Variants in SYBU observed in about 807,000 individuals in gnomAD.
SYBU encodes GOLSYN A protein.
A neutral mutation model predicts 35.9 loss-of-function variants in SYBU; 21 were observed. The observed-to-expected ratio is 0.58, with a 90% CI of 0.41 to 0.84. The LOEUF (loss-of-function observed/expected upper bound fraction) is 0.84, where lower values mean the gene tolerates loss of function less well. Among genes scored for constraint, SYBU ranks in the 40% least tolerant of loss-of-function variants. The pLI, the probability that SYBU is intolerant of heterozygous loss-of-function variation, is 0.00. For synonymous variants in SYBU, 319 were observed against 324.3 expected (o/e 0.98, Z 0.18); for missense variants, 768 against 848.2 (o/e 0.91, Z 1.17).
chr8:109,628,783 C>G (rs536509627), intron 2 of SYBU, among the ~76,000 whole-genome samples: 1 of 151,992 alleles, frequency 6.6e-6, no homozygotes, highest in South Asian at 2.1e-4. Flanking sequence ...GGTCGTGCCA[C>G]TGCACTCCAG....
intron 3 of SYBU, among the ~76,000 whole-genome samples, chr8:109,614,897 C>T (rs1586834549): frequency 6.6e-6 from 1 of 152,250 alleles, no homozygotes; most frequent in South Asian, 2.1e-4. Flanking sequence ...CAGTTCCTGC[C>T]TGGAAACAGG....
chr8:109,594,915 T>C (rs1239513070), intron 3 of SYBU, among the ~76,000 whole-genome samples: 1 of 152,214 alleles, frequency 6.6e-6, no homozygotes, highest in Non-Finnish European at 1.5e-5. Context: ...GTAGTTTCAG[T>C]TGCTAGCTGT....
intron 1 of SYBU, among the ~76,000 whole-genome samples, chr8:109,674,892 A>G (rs1258027263): frequency 6.6e-6 from 1 of 152,212 alleles, no homozygotes; most frequent in Non-Finnish European, 1.5e-5. Flanking sequence ...TGTAATTGGA[A>G]GTAAAACACT....
intron 3 of SYBU, among the ~76,000 whole-genome samples, chr8:109,599,772 C>T (rs956856013): frequency 6.6e-6 from 1 of 152,184 alleles, no homozygotes; most frequent in African/African-American, 2.4e-5. Context: ...CTCAATGGCA[C>T]CCTGTGTCCA....
chr8:109,634,695 T>C (rs192065629), intron 2 of SYBU, among the ~76,000 whole-genome samples: 234 of 152,292 alleles, frequency 1.5e-3, no homozygotes, highest in African/African-American at 5.3e-3. Context: ...CCCAGCACTT[T>C]GGGAGGCCAA....
chr8:109,659,511 T>G (rs1404310640), intron 1 of SYBU, among the ~76,000 whole-genome samples: 1 of 152,210 alleles, frequency 6.6e-6, no homozygotes, highest in Non-Finnish European at 1.5e-5. Context: ...GAGAAGCCCA[T>G]GATGCCATTG....
intron 1 of SYBU, among the ~76,000 whole-genome samples, chr8:109,656,171 G>A (rs937577399): frequency 6.6e-6 from 1 of 151,992 alleles, no homozygotes; most frequent in Non-Finnish European, 1.5e-5. Context: ...ACTTGAAAAT[G>A]GTTACTTTGG....
chr8:109,576,068 A>AAC (rs1822275922), intron 6 of SYBU, 55 bp from the exon 7 acceptor site: 2 of 1,351,358 alleles, frequency 1.5e-6, no homozygotes, highest in Non-Finnish European at 1.9e-6. Flanking sequence ...AAAAAAAAAA[A>AAC]AACTTTCAAC....
chr8:109,636,227 T>C (rs1344901403), intron 2 of SYBU, among the ~76,000 whole-genome samples: 1 of 152,220 alleles, frequency 6.6e-6, no homozygotes, highest in Non-Finnish European at 1.5e-5. Flanking sequence ...CACTAATTAA[T>C]GTTACTTCTT....
chr8:109,679,157 G>A (rs956574851), intron 1 of SYBU, among the ~76,000 whole-genome samples: 4 of 152,210 alleles, frequency 2.6e-5, no homozygotes, highest in South Asian at 2.1e-4. Context: ...TCCTACCAGC[G>A]CCATGACAGT....
At chr8:109,683,718 G>A (rs369046847), upstream of SYBU, among the ~76,000 whole-genome samples, 5 of 152,116 alleles carry the variant, frequency 3.3e-5, no homozygotes, top group East Asian at 3.9e-4. Context: ...TTCTGTGTCC[G>A]TCGCTCAAAT....
intron 2 of SYBU, among the ~76,000 whole-genome samples, chr8:109,623,079 T>A (rs1468165913): frequency 6.6e-6 from 1 of 152,148 alleles, no homozygotes; most frequent in East Asian, 1.9e-4. Flanking sequence ...TAGTTGAGTT[T>A]TTACATTTCT....
chr8:109,592,808 T>C (rs115956402), intron 3 of SYBU, among the ~76,000 whole-genome samples: 2,167 of 152,350 alleles, frequency 0.014, 58 homozygotes, highest in African/African-American at 0.05. Context: ...CTTACTTATA[T>C]ATGTATACAC....
intron 2 of SYBU, among the ~76,000 whole-genome samples, chr8:109,625,157 C>T (rs1045970296): frequency 6.6e-6 from 1 of 151,842 alleles, no homozygotes; most frequent in Non-Finnish European, 1.5e-5. Flanking sequence ...GTTATGCATG[C>T]TGAGGTATGT....
chr8:109,622,132 T>C (rs1563733394), intron 2 of SYBU, among the ~76,000 whole-genome samples: 1 of 152,114 alleles, frequency 6.6e-6, no homozygotes, highest in Non-Finnish European at 1.5e-5. Context: ...ATTCTTTTTT[T>C]TTCAAGACTT....
At chr8:109,688,321 A>G (rs1228132462) in intron 1 of SYBU, among the ~76,000 whole-genome samples, 1 of 152,230 alleles carries the variant, frequency 6.6e-6, no homozygotes, top group Non-Finnish European at 1.5e-5. Flanking sequence ...GAAAAACTGA[A>G]GTTCTGGAAA....
rs1822541006 is a variant in SYBU at position 109,577,933 on chromosome 8, C to A, written c.819G>T (p.Gln273His). 1 of 1,613,860 alleles carries A rather than the reference C, an allele frequency of 6.2e-7. No individual in the cohort carries two copies. The highest frequency in any genetic ancestry group is 8.5e-7 in the Non-Finnish European group (1 of 1,179,942). The change falls in exon 6 of 7, where the codon CAG (glutamine) becomes CAT (histidine). Residue 273 changes from glutamine to histidine, a missense_variant. Coordinates refer to ENST00000276646, the MANE Select transcript of SYBU (RefSeq NM_001099754.2). ...NPEQYLTPLQQKEVTVRHLKT... is the reference protein window; with the variant it reads ...NPEQYLTPLQHKEVTVRHLKT... ...TGAGGTGTCTCACTGTCACCTCTTT[C>A]TGCTGCAGTGGAGTCAAATACTGCT...
chr8:109,606,426 T>G (rs182948278), intron 3 of SYBU, among the ~76,000 whole-genome samples: 2 of 152,264 alleles, frequency 1.3e-5, no homozygotes, highest in Non-Finnish European at 2.9e-5. Flanking sequence ...AAAGAAAAGT[T>G]TTAGAGAAAA....
intron 3 of SYBU, among the ~76,000 whole-genome samples, chr8:109,591,737 C>T (rs1030934880): frequency 2.6e-5 from 4 of 151,644 alleles, no homozygotes; most frequent in Admixed American, 6.6e-5. Flanking sequence ...TGGTCTCGAT[C>T]TCCTGACCTC....
Sources: gnomAD v4.1 joint callset for allele counts (sites outside exome capture counted in the v4.1 genomes callset) on GRCh38, gnomAD v4.1.1 for gene constraint, MANE v1.5 for transcripts, NCBI Gene and HGNC (gene_info 2026-07-23, HGNC 2026-07-21) for gene names.